Variants in STARD9 observed in about 807,000 individuals in gnomAD.
STARD9 encodes stAR-related lipid transfer protein 9.
STARD9 carries 346 observed loss-of-function variants against 399.8 expected under a neutral mutation model. The observed-to-expected ratio is 0.87, with a 90% CI of 0.79 to 0.95. STARD9 has a LOEUF of 0.95. Ranked by LOEUF, STARD9 falls within the 40% of genes least tolerant of loss-of-function variation. STARD9 has a pLI of 0.00. For missense variants in STARD9, 5,832 were observed against 5,667.5 expected (o/e 1.03, Z -0.93); for synonymous variants, 2,203 against 2,143.5 (o/e 1.03, Z -0.77).
intron 6 of STARD9, 59 bp downstream of exon 6, chr15:42,638,146 C>A (rs1256220140): frequency 1.4e-6 from 2 of 1,437,990 alleles, no homozygotes; most frequent in East Asian, 2.5e-5. Flanking sequence ...CAAATTCTAC[C>A]ATGTTCAGCT....
chr15:42,632,284 G>T (rs539644179), intron 3 of STARD9, among the ~76,000 whole-genome samples: 1 of 151,474 alleles, frequency 6.6e-6, no homozygotes, highest in Admixed American at 6.6e-5. Context: ...ATTTGCATGG[G>T]TTATCTTTTT....
rs567976615 is a variant in STARD9, at chr15:42,687,264, G to A, written c.5686G>A (p.Gly1896Ser). 18 of 1,536,876 alleles carry A rather than the reference G, an allele frequency of 1.2e-5. No individual in the cohort carries two copies. The Admixed American group carries it at 1.4e-4, about 12-fold the overall frequency. ...GGEVTAQSCC[G>S]ASSDSTESGK... is the part of the protein sequence containing the mutation. ...AGAGGTCACTGCTCAGTCCTGTTGC[G>A]GTGCTTCCTCAGACAGCACTGAGTC... The change falls in exon 23 of 33, where the codon GGT becomes AGT. Residue 1896 changes from glycine (G) to serine (S), a missense_variant. By Grantham distance (56) the Gly-to-Ser change is moderately conservative. Around this residue, in one of 2 missense-constraint regions of STARD9, gnomAD observed 5,828 missense variants for 5,651.1 expected, o/e 1.03. Transcript: ENST00000290607.
chr15:42,669,157 G>C lies in STARD9; in HGVS notation c.1318-1G>C, dbSNP rs2060158347. On this transcript the variant is annotated splice_acceptor_variant, in intron 15 of 32. Coordinates refer to ENST00000290607, the MANE Select transcript of STARD9 (RefSeq NM_020759.3). LOFTEE classifies it high-confidence loss of function. ...TCAGATCACCTCCTATACCTCTGCAGATAGACCAGCTGACTAAAGACTGGA... is the reference window on the plus strand; with the variant it reads ...TCAGATCACCTCCTATACCTCTGCACATAGACCAGCTGACTAAAGACTGGA... 1 of 1,531,826 alleles carries C rather than the reference G, an allele frequency of 6.5e-7. No homozygotes were observed. The highest frequency in any genetic ancestry group is 1.4e-5 in the African/African-American group (1 of 72,972). 94.9% of individuals were successfully genotyped at this position (1,531,826 alleles called of 1,614,324 possible).
intron 1 of STARD9, 52 bp downstream of exon 1, chr15:42,575,814 C>T: frequency 6.6e-7 from 1 of 1,512,704 alleles, no homozygotes; most frequent in Non-Finnish European, 8.9e-7. Context: ...CTGAAAAGAG[C>T]GGGAGGTCCG....
At chr15:42,615,347 A>T (rs1373199444) in intron 3 of STARD9, among the ~76,000 whole-genome samples, 1 of 152,094 alleles carries the variant, frequency 6.6e-6, no homozygotes, top group Non-Finnish European at 1.5e-5. Context: ...GTTAGTAAGG[A>T]TAAGATAGTA....
Position 42,699,629 on chromosome 15 carries a change from G to A in STARD9, c.13284+3749G>A, listed in dbSNP as rs559780488. 7.3e-5 allele frequency among the ~76,000 whole-genome samples: 11 copies of A among 151,716 alleles called. No individual in the cohort carries two copies. The South Asian group carries it at 8.3e-4, about 11-fold the overall frequency. On this transcript the variant is annotated intron_variant, in intron 26 of 32. Transcript: ENST00000290607. ...AGGATGGTCTCGATTTCCTGACCTC[G>A]TGATCTGCCCGCCTTGGCCTCCCAA...
chr15:42,687,922 C>A lies in STARD9; in HGVS notation c.6344C>A (p.Ser2115Tyr). ...GNPLPSKDQP[S>Y]SPRQTDDTVF... is the part of the protein sequence containing the mutation. ...CCTTTGCCCTCTAAGGATCAGCCAT[C>A]TTCTCCAAGACAGACAGATGATACT... The change falls in exon 23 of 33, where the codon TCT becomes TAT. Residue 2115 changes from serine (S) to tyrosine (Y), a missense_variant. Physicochemically the swap from Ser to Tyr is moderately radical, Grantham distance 144. This residue lies in a region of STARD9 where 5,828 missense variants were observed against 5,651.1 expected (regional missense o/e 1.03). Coordinates refer to ENST00000290607, the MANE Select transcript of STARD9 (RefSeq NM_020759.3). 3.9e-6 allele frequency: 6 copies of A among 1,537,304 alleles called. No individual in the cohort carries two copies. Among genetic ancestry groups the A allele is most frequent in the Non-Finnish European group, 5.2e-6 (6 of 1,146,948 alleles).
Position 42,648,803 on chromosome 15 carries a change from A to G in STARD9, c.560-2213A>G, listed in dbSNP as rs1366867778. 2.0e-5 allele frequency among the ~76,000 whole-genome samples: 3 copies of G among 151,222 alleles called. No homozygotes were observed. In the East Asian group the frequency reaches 5.8e-4, roughly 29 times the overall value. ...CATTACCTCTTATAATAATCCTTCT[A>G]TCCCATTCTTTCCTCTTCTTTTGGG... On this transcript the variant is annotated intron_variant, in intron 7 of 32. Transcript: ENST00000290607.
At position 42,719,853 on chromosome 15, in the gene STARD9, C is replaced by T. The variant is rs984483080; in HGVS notation, c.*279C>T. ...CTCACCTTTTGGATTTCTCACCTTTCTTTCCTGTTTCTGGGACTCTGCGGC... is the reference window on the plus strand; with the variant it reads ...CTCACCTTTTGGATTTCTCACCTTTTTTTCCTGTTTCTGGGACTCTGCGGC... On this transcript the variant is annotated 3_prime_UTR_variant, in exon 33 of 33. Transcript: ENST00000290607. 4 of 353,622 alleles carry T rather than the reference C, an allele frequency of 1.1e-5. No homozygotes were observed. Among genetic ancestry groups the T allele is most frequent in the Non-Finnish European group, 2.1e-5 (4 of 194,392 alleles). 21.9% of individuals were successfully genotyped at this position (353,622 alleles called of 1,614,324 possible).
At chr15:42,622,265 C>A (rs1001091425) in intron 3 of STARD9, among the ~76,000 whole-genome samples, 4 of 151,772 alleles carry the variant, frequency 2.6e-5, no homozygotes, top group Non-Finnish European at 4.4e-5. Context: ...AGAGTGAGAC[C>A]CTTAAAAACA....
intron 3 of STARD9, among the ~76,000 whole-genome samples, chr15:42,605,500 A>G (rs190632745): frequency 2.0e-5 from 3 of 152,352 alleles, no homozygotes; most frequent in Admixed American, 1.3e-4. Flanking sequence ...ACTTAAGCCC[A>G]TAAGATCACC....
intron 3 of STARD9, among the ~76,000 whole-genome samples, chr15:42,625,594 T>G (rs2059187615): frequency 6.6e-6 from 1 of 151,172 alleles, no homozygotes; most frequent in Non-Finnish European, 1.5e-5. Context: ...CCTCCCAAAG[T>G]GCTGGGTTTA....
intron 10 of STARD9, among the ~76,000 whole-genome samples, chr15:42,661,677 G>C (rs909268453): frequency 6.6e-6 from 1 of 151,624 alleles, no homozygotes; most frequent in Non-Finnish European, 1.5e-5. Flanking sequence ...GGCTGGCCTC[G>C]CACTCCTGGC....
At chr15:42,615,449 A>G (rs1595640416) in intron 3 of STARD9, among the ~76,000 whole-genome samples, 1 of 152,284 alleles carries the variant, frequency 6.6e-6, no homozygotes, top group South Asian at 2.1e-4. Flanking sequence ...ATTTCCATGA[A>G]ATGGTATTGA....
intron 9 of STARD9, among the ~76,000 whole-genome samples, chr15:42,660,044 T>G (rs2059962969): frequency 6.6e-6 from 1 of 152,230 alleles, no homozygotes; most frequent in South Asian, 2.1e-4. Context: ...AATGAACTTT[T>G]GATGCATGCC....
intron 3 of STARD9, among the ~76,000 whole-genome samples, chr15:42,604,587 C>T (rs901225945): frequency 2.3e-5 from 3 of 131,282 alleles, no homozygotes; most frequent in Admixed American, 1.6e-4. Flanking sequence ...GGGAGGAAAT[C>T]TAGTTCATAG....
At position 42,643,615 on chromosome 15, in the gene STARD9, G is replaced by A. The variant is rs961860764; in HGVS notation, c.559+4803G>A. ...AAGCGATTCTCCTGCCTCGGCTGAGGCAGCTAGTCCTGACTAGCTGGGACT... is the reference window on the plus strand; with the variant it reads ...AAGCGATTCTCCTGCCTCGGCTGAGACAGCTAGTCCTGACTAGCTGGGACT... On this transcript the variant is annotated intron_variant, in intron 7 of 32. Coordinates refer to ENST00000290607, the MANE Select transcript of STARD9 (RefSeq NM_020759.3). Among the ~76,000 whole-genome samples the A allele has an allele frequency of 2.6e-5, 3 of 116,270 alleles. No homozygotes were observed. The African/African-American group carries it at 2.6e-4, about 10-fold the overall frequency. The allele number at this position is 116,270 out of a possible 152,430, so 76.3% of individuals were successfully genotyped here.
Position 42,689,948 on chromosome 15 carries a change from C to T in STARD9, c.8370C>T (p.Asp2790=). 6.5e-7 allele frequency: 1 copy of T among 1,537,674 alleles called. No individual in the cohort carries two copies. Among genetic ancestry groups the T allele is most frequent in the Non-Finnish European group, 8.7e-7 (1 of 1,146,988 alleles). The change falls in exon 23 of 33, where the codon GAC becomes GAT. Residue 2790 remains aspartate (D), a synonymous_variant. Transcript: ENST00000290607. ...SPEHQEPRTL[D]TTYGEVSDNL... is the part of the protein sequence containing the mutation. Reference sequence around the variant, plus strand: ...AGCATCAGGAACCCAGAACTCTAGACACCACATATGGAGAAGTTTCAGATA... The same window carrying T: ...AGCATCAGGAACCCAGAACTCTAGATACCACATATGGAGAAGTTTCAGATA...
chr15:42,583,252 T>A, intron 1 of STARD9, 94 bp from the exon 2 acceptor site: 1 of 863,072 alleles, frequency 1.2e-6, no homozygotes, highest in Non-Finnish European at 1.8e-6. Flanking sequence ...GGTACAGCAG[T>A]AGGGAAATAT....
Sources: allele counts gnomAD v4.1 joint callset (sites outside exome capture counted in the v4.1 genomes callset), GRCh38; gene constraint gnomAD v4.1.1; regional missense constraint gnomAD v4.1.1; transcripts MANE v1.5; gene names NCBI Gene and HGNC (gene_info 2026-07-23, HGNC 2026-07-21).